PRKDC: variants seen among roughly 807,000 people sequenced by gnomAD.
PRKDC encodes the protein DNA-dependent protein kinase catalytic subunit.
Under a neutral mutation model 486.9 loss-of-function variants are expected in PRKDC, and 82 were observed. The ratio of observed to expected loss-of-function variants is 0.17; its 90% CI spans 0.14 to 0.20. PRKDC has a LOEUF of 0.20. PRKDC is among the 10% of genes least tolerant of loss of function. PRKDC has a pLI of 1.00. For synonymous variants in PRKDC, 1,895 were observed against 1,837.0 expected (o/e 1.03, Z -0.81); for missense variants, 4,504 against 5,038.2 (o/e 0.89, Z 3.21).
chr8:47,855,419 T>C (rs1291852693), intron 49 of PRKDC, 46 bp from the exon 50 acceptor site: 2 of 1,492,636 alleles, frequency 1.3e-6, no homozygotes, highest in African/African-American at 1.4e-5. Context: ...CATTCCATTC[T>C]GGAAAGCATT....
intron 22 of PRKDC, 22 bp from the exon 23 acceptor site, chr8:47,915,440 T>C (rs758150344): frequency 1.5e-6 from 2 of 1,316,838 alleles, no homozygotes; most frequent in Middle Eastern, 1.9e-4. Flanking sequence ...AACAATTGTA[T>C]ATATGTGATT....
At chr8:47,841,209 C>T (rs2088134317) in intron 54 of PRKDC, among the ~76,000 whole-genome samples, 1 of 152,196 alleles carries the variant, frequency 6.6e-6, no homozygotes, top group Non-Finnish European at 1.5e-5. Flanking sequence ...AGAGAAGGCA[C>T]AGGCAGAGCA....
Position 47,930,007 on chromosome 8 carries a change from A to C in PRKDC, c.1898T>G (p.Ile633Ser). The C allele has an allele frequency of 1.9e-6, 3 of 1,596,418 alleles. No individual in the cohort carries two copies. The highest frequency in any genetic ancestry group is 1.4e-5 in the African/African-American group (1 of 73,938). The change falls in exon 18 of 86, where the codon ATT becomes AGT. Residue 633 changes from isoleucine (I) to serine (S), a missense_variant. Ile to Ser is a moderately radical substitution (Grantham distance 142). This residue lies in a region of PRKDC where 1,969 missense variants were observed against 2,068.9 expected (regional missense o/e 0.95). Coordinates refer to ENST00000314191, the MANE Select transcript of PRKDC (RefSeq NM_006904.7). ...AAATTCTGCTTGTTTCTCAGGGAGAATCTCTCTGTAAAAACAAATTAGAAA... is the reference window on the plus strand; with the variant it reads ...AAATTCTGCTTGTTTCTCAGGGAGACTCTCTCTGTAAAAACAAATTAGAAA... ...FINLVEFCREILPEKQAEFFE... is the reference protein window; with the variant it reads ...FINLVEFCRESLPEKQAEFFE...
Position 47,849,262 on chromosome 8 carries a change from C to G in PRKDC, c.7172G>C (p.Gly2391Ala). 6.2e-7 allele frequency: 1 copy of G among 1,613,924 alleles called. No homozygotes were observed. Among genetic ancestry groups the G allele is most frequent in the Non-Finnish European group, 8.5e-7 (1 of 1,179,880 alleles). Residue 2391 changes from glycine (G) to alanine (A), a missense_variant, in exon 54 of 86, where the codon GGA (glycine) becomes GCA (alanine). Coordinates refer to ENST00000314191, the MANE Select transcript of PRKDC (RefSeq NM_006904.7). The part of the protein sequence containing the change: ...AVFFLLPKFH[G>A]VLKTLCLEVV... Reference sequence around the variant, plus strand: ...CTCCAGACAGAGTGTTTTCAACACTCCATGAAATTTTGGCAGCAGAAAGAA... The same window carrying G: ...CTCCAGACAGAGTGTTTTCAACACTGCATGAAATTTTGGCAGCAGAAAGAA...
In PRKDC at chr8:47,783,804, A is replaced by G; in HGVS notation, c.11113T>C (p.Tyr3705His). 6.2e-7 allele frequency: 1 copy of G among 1,613,904 alleles called. No individual in the cohort carries two copies. The highest frequency in any genetic ancestry group is 8.5e-7 in the Non-Finnish European group (1 of 1,179,882). The change falls in exon 78 of 86, where the codon TAT (tyrosine) becomes CAT (histidine). Residue 3705 changes from tyrosine (Y) to histidine (H), a missense_variant. Transcript: ENST00000314191. ...LRNELEIPGQ[Y>H]DGRGKPLPEY... ...GGCAATGGCTTTCCCCTACCGTCAT[A>G]CTGACCTAAAACAAACCAGAACCTT...
chr8:47,843,301 G>A (rs1055075174), intron 54 of PRKDC, among the ~76,000 whole-genome samples: 2 of 152,086 alleles, frequency 1.3e-5, no homozygotes, highest in Non-Finnish European at 2.9e-5. Context: ...AAGAATCTCA[G>A]AGCTTGAAGA....
At chr8:47,803,224 T>G in intron 70 of PRKDC, 82 bp downstream of exon 70, 3 of 1,337,912 alleles carry the variant, frequency 2.2e-6, no homozygotes, top group Non-Finnish European at 2.0e-6. Flanking sequence ...TGTCAGATGA[T>G]GCAGCACAAA....
chr8:47,944,109 T>A lies in PRKDC; in HGVS notation c.722-80A>T, dbSNP rs2090490579. On this transcript the variant is annotated intron_variant, in intron 7 of 85. Transcript: ENST00000314191. Reference sequence around the variant, plus strand: ...CACTTTACAGACAGCTTGACACCTATATTAACCCCATTAATCTCTTGTGAA... The same window carrying A: ...CACTTTACAGACAGCTTGACACCTAAATTAACCCCATTAATCTCTTGTGAA... The A allele has an allele frequency of 8.9e-6, 10 of 1,121,290 alleles. No homozygotes were observed. The South Asian group carries it at 1.4e-4, about 16-fold the overall frequency. The allele number at this position is 1,121,290 out of a possible 1,614,324, so 69.5% of individuals were successfully genotyped here.
intron 11 of PRKDC, among the ~76,000 whole-genome samples, chr8:47,937,732 T>C (rs138402746): frequency 1.1e-3 from 161 of 152,274 alleles, no homozygotes; most frequent in African/African-American, 3.5e-3. Flanking sequence ...TCTCATGCAA[T>C]CTTTTAGCTC....
chr8:47,834,160 G>T, intron 59 of PRKDC, 36 bp downstream of exon 59: 1 of 1,610,076 alleles, frequency 6.2e-7, no homozygotes, highest in Non-Finnish European at 8.5e-7. Flanking sequence ...ATTTAGTGGG[G>T]AAGCTATTTT....
At chr8:47,872,217 C>G (rs1191497493) in intron 40 of PRKDC, among the ~76,000 whole-genome samples, 1 of 152,062 alleles carries the variant, frequency 6.6e-6, no homozygotes, top group Admixed American at 6.6e-5. Flanking sequence ...CCGCTGTCAG[C>G]AGTTTAAAAT....
chr8:47,928,827 G>T (rs1477182325), intron 19 of PRKDC, among the ~76,000 whole-genome samples: 2 of 152,060 alleles, frequency 1.3e-5, no homozygotes, highest in African/African-American at 4.8e-5. Flanking sequence ...GAGGAGCTGG[G>T]ATTACAGGCG....
intron 49 of PRKDC, among the ~76,000 whole-genome samples, chr8:47,856,339 T>C (rs2088539684): frequency 6.6e-6 from 1 of 152,122 alleles, no homozygotes; most frequent in African/African-American, 2.4e-5. Flanking sequence ...GCAATTCTCC[T>C]GCCTCAGCCT....
chr8:47,933,293 G>A, intron 15 of PRKDC, 121 bp from the exon 16 acceptor site: 2 of 780,476 alleles, frequency 2.6e-6, no homozygotes, highest in Non-Finnish European at 3.7e-6. Flanking sequence ...AAACAGTGAT[G>A]ATAAACTGCA....
intron 24 of PRKDC, 68 bp from the exon 25 acceptor site, chr8:47,912,630 T>C (rs2089924466): frequency 1.4e-6 from 2 of 1,424,572 alleles, no homozygotes; most frequent in Non-Finnish European, 1.9e-6. Context: ...ATTTGAAATG[T>C]CACTCAATTT....
In PRKDC at chr8:47,890,244, C is replaced by CA; in HGVS notation, c.4071+12dup. On this transcript the variant is annotated intron_variant, in intron 32 of 85. Transcript: ENST00000314191. ...GTACCAAAAACTGACCTCAAATTAA[C>CA]AGAGCAGCCTACCTTCCATCCTTCC... 1 of 1,583,668 alleles carries CA rather than the reference C, an allele frequency of 6.3e-7. No individual in the cohort carries two copies. Among genetic ancestry groups the CA allele is most frequent in the Non-Finnish European group, 8.6e-7 (1 of 1,163,368 alleles).
At chr8:47,932,615 T>C (rs932934902) in intron 16 of PRKDC, among the ~76,000 whole-genome samples, 35 of 152,194 alleles carry the variant, frequency 2.3e-4, no homozygotes, top group Admixed American at 1.3e-4. Context: ...TATTTTCCTA[T>C]ATCAGGAACA....
intron 74 of PRKDC, among the ~76,000 whole-genome samples, chr8:47,793,589 A>G (rs2086921931): frequency 6.6e-6 from 1 of 150,858 alleles, no homozygotes; most frequent in African/African-American, 2.4e-5. Flanking sequence ...TGCAGCCGAG[A>G]TTGCACTGCA....
intron 10 of PRKDC, among the ~76,000 whole-genome samples, chr8:47,940,564 A>G (rs1448218053): frequency 6.6e-6 from 1 of 152,252 alleles, no homozygotes; most frequent in Non-Finnish European, 1.5e-5. Context: ...AACATTGTAT[A>G]TACTGTTTCA....
Sources: allele counts gnomAD v4.1 joint callset (sites outside exome capture counted in the v4.1 genomes callset), GRCh38; gene constraint gnomAD v4.1.1; regional missense constraint gnomAD v4.1.1; transcripts MANE v1.5; gene names NCBI Gene and HGNC (gene_info 2026-07-23, HGNC 2026-07-21).